The following GPR173 variants were observed in gnomAD, a reference collection of about 807,000 sequenced individuals.
GPR173 encodes the protein G protein-coupled receptor 173.
Under a neutral mutation model 13.9 loss-of-function variants are expected in GPR173, and 2 were observed. The observed-to-expected ratio is 0.14, with a 90% CI of 0.06 to 0.45. GPR173 has a LOEUF of 0.45. Among genes scored for constraint, GPR173 ranks in the 20% least tolerant of loss-of-function variants. The probability of loss-of-function intolerance (pLI) is 0.98; values close to 1 mark genes in which losing one functional copy is unlikely to be tolerated. For missense variants in GPR173, 202 were observed against 340.5 expected (o/e 0.59, Z 3.20); for synonymous variants, 131 against 141.0 (o/e 0.93, Z 0.50).
chrX:53,062,713 C>T, intron 1 of GPR173, among the ~76,000 whole-genome samples: 1 of 107,473 alleles, frequency 9.3e-6, no homozygotes, highest in Non-Finnish European at 1.9e-5. Flanking sequence ...ACCTCAGCTC[C>T]CCGAGTTTTT....
At chrX:53,073,758 G>C in intron 1 of GPR173, among the ~76,000 whole-genome samples, 1 of 81,352 alleles carries the variant, frequency 1.2e-5, no homozygotes, top group African/African-American at 4.7e-5. Context: ...AAATTTAAAA[G>C]TAAATTATAT....
rs1932474251 is a variant in GPR173 at position 53,078,294 on chromosome X, G to A, written c.*551G>A. 1 of 124,230 alleles carries A rather than the reference G, an allele frequency of 8.0e-6. No homozygotes were observed. The highest frequency in any genetic ancestry group is 9.3e-5 in the Admixed American group (1 of 10,701). 10.2% of individuals were successfully genotyped at this position (124,230 alleles called of 1,213,427 possible). On this transcript the variant is annotated 3_prime_UTR_variant, in exon 2 of 2. Coordinates refer to ENST00000332582, the MANE Select transcript of GPR173 (RefSeq NM_018969.6). ...GTGGTCCAAGGCTGCTGACAAGAGG[G>A]ACCAAAGGGGGTGCTGGGTTCCCAG... is the stretch of plus-strand genomic sequence containing the variant.
intron 1 of GPR173, among the ~76,000 whole-genome samples, chrX:53,054,137 A>AGTGT (rs1271390743): frequency 5.6e-5 from 5 of 89,106 alleles, no homozygotes; most frequent in African/African-American, 2.2e-4. Context: ...ATCTTAATAG[A>AGTGT]GTGTGTGTGT....
At chrX:53,075,969 G>T (rs1932425912) in intron 1 of GPR173, among the ~76,000 whole-genome samples, 3 of 111,350 alleles carry the variant, frequency 2.7e-5, no homozygotes, top group African/African-American at 9.8e-5. Flanking sequence ...TTTACTGTGG[G>T]TGGCAGTAAA....
At chrX:53,074,678 AT>A (rs1932394279) in intron 1 of GPR173, among the ~76,000 whole-genome samples, 1 of 84,945 alleles carries the variant, frequency 1.2e-5, no homozygotes, top group African/African-American at 4.8e-5. Context: ...ATATTTATTT[AT>A]AAATATTATA....
intron 1 of GPR173, among the ~76,000 whole-genome samples, chrX:53,073,871 A>G (rs1364707480): frequency 4.6e-5 from 2 of 43,788 alleles, no homozygotes; most frequent in African/African-American, 8.2e-5. Context: ...TATATTTTAT[A>G]TATAATTATA....
intron 1 of GPR173, among the ~76,000 whole-genome samples, chrX:53,068,347 A>C (rs1354995025): frequency 1.8e-5 from 2 of 111,722 alleles, no homozygotes; most frequent in Non-Finnish European, 3.8e-5. Flanking sequence ...AACACCTAAT[A>C]CTATACTATA....
chrX:53,067,210 TCTC>T (rs1556804287), intron 1 of GPR173, among the ~76,000 whole-genome samples: 1 of 111,357 alleles, frequency 9.0e-6, no homozygotes, highest in Non-Finnish European at 1.9e-5. Flanking sequence ...CACCAGTGTA[TCTC>T]CTAACAGCAA....
At chrX:53,075,873 G>A (rs907944172) in intron 1 of GPR173, among the ~76,000 whole-genome samples, 5 of 111,849 alleles carry the variant, frequency 4.5e-5, no homozygotes, top group Admixed American at 1.9e-4. Flanking sequence ...TTGCATACAG[G>A]TTCAGTACTG....
At chrX:53,075,791 A>G (rs1216112469) in intron 1 of GPR173, among the ~76,000 whole-genome samples, 1 of 110,783 alleles carries the variant, frequency 9.0e-6, no homozygotes, top group Non-Finnish European at 1.9e-5. Flanking sequence ...ATCATGAATA[A>G]AGAAATCTAT....
chrX:53,051,855 G>A (rs1931962033), intron 1 of GPR173, among the ~76,000 whole-genome samples: 1 of 110,775 alleles, frequency 9.0e-6, no homozygotes, highest in Middle Eastern at 4.6e-3. Flanking sequence ...ATGAGTGTAG[G>A]TGCATCTAAA....
intron 1 of GPR173, among the ~76,000 whole-genome samples, chrX:53,070,801 A>T (rs782767685): frequency 3.6e-5 from 4 of 111,236 alleles, no homozygotes; most frequent in East Asian, 5.7e-4. Context: ...CATGTAATTT[A>T]AAAAGAAAAT....
intron 1 of GPR173, among the ~76,000 whole-genome samples, chrX:53,068,824 A>G (rs1326232424): frequency 2.8e-5 from 3 of 107,143 alleles, no homozygotes; most frequent in African/African-American, 1.0e-4. Context: ...GTGATGGCTC[A>G]GGCTTGTAAT....
chrX:53,054,081 C>T (rs1462930731), intron 1 of GPR173, among the ~76,000 whole-genome samples: 1 of 111,466 alleles, frequency 9.0e-6, no homozygotes, highest in Non-Finnish European at 1.9e-5. Flanking sequence ...ATTATGCCAT[C>T]CAGGCAGAAA....
intron 1 of GPR173, among the ~76,000 whole-genome samples, chrX:53,050,876 C>T (rs907126140): frequency 5.4e-5 from 6 of 111,517 alleles, no homozygotes; most frequent in African/African-American, 2.0e-4. Flanking sequence ...CCCTCCCCCA[C>T]CCCACTCCAG....
chrX:53,061,635 A>C (rs1486097594), intron 1 of GPR173, among the ~76,000 whole-genome samples: 1 of 111,878 alleles, frequency 8.9e-6, no homozygotes, highest in Non-Finnish European at 1.9e-5. Context: ...CTCATATTAT[A>C]CAATTATGGG....
In GPR173 at chrX:53,049,975, T is replaced by TGTGC. The variant is rs782276225; in HGVS notation, c.-98+492_-98+493insTGCG. ...GTGTGTGTGTGTGTGTGTGTGTGTG[T>TGTGC]GCACCTGGGTAGCAAGCAGGTGGGT... is the stretch of plus-strand genomic sequence containing the variant. On this transcript the variant is annotated intron_variant, in intron 1 of 1. Transcript: ENST00000332582. Among the ~76,000 whole-genome samples, 923 of 104,905 alleles carry TGTGC rather than the reference T, an allele frequency of 8.8e-3. 27 individuals are homozygous for TGTGC. Among genetic ancestry groups the TGTGC allele is most frequent in the African/African-American group, 0.031 (852 of 27,447 alleles). 91.1% of individuals were successfully genotyped at this position (104,905 alleles called of 115,157 possible).
chrX:53,077,017 C>T lies in GPR173; in HGVS notation c.396C>T (p.Ala132=). The T allele has an allele frequency of 2.5e-6, 3 of 1,210,463 alleles. No individual in the cohort carries two copies. The South Asian group carries it at 5.3e-5, about 21-fold the overall frequency. ...YMAIAHHRFY[A]KRMTLWTCAA... ...CCATCGCCCACCACCGCTTCTACGC[C>T]AAGCGCATGACACTCTGGACATGCG... Residue 132 remains alanine, a synonymous_variant, in exon 2 of 2, where the codon GCC becomes GCT. Transcript: ENST00000332582.
chrX:53,052,591 CCA>C (rs201501286), intron 1 of GPR173, among the ~76,000 whole-genome samples: 111 of 101,865 alleles, frequency 1.1e-3, no homozygotes, highest in Non-Finnish European at 1.9e-3. Flanking sequence ...ACACATCTGT[CCA>C]CACACACACG....
Sources: gnomAD v4.1 joint callset for allele counts (sites outside exome capture counted in the v4.1 genomes callset) on GRCh38, gnomAD v4.1.1 for gene constraint, MANE v1.5 for transcripts, NCBI Gene and HGNC (gene_info 2026-07-23, HGNC 2026-07-21) for gene names.